USP5: variants seen among roughly 807,000 people sequenced by gnomAD.
The protein encoded by USP5 is ubiquitin specific peptidase 5, also known as ubiquitin carboxyl-terminal hydrolase 5.
In USP5, 24 loss-of-function variants were observed where a neutral mutation model predicts 102.5. The ratio of observed to expected loss-of-function variants is 0.23; its 90% confidence interval spans 0.17 to 0.33. USP5 has a LOEUF of 0.33. Among genes scored for constraint, USP5 ranks in the 10% least tolerant of loss-of-function variants. The pLI is 1.00. For missense variants in USP5, 753 were observed against 1,122.1 expected (o/e 0.67, Z 4.70); for synonymous variants, 460 against 434.8 (o/e 1.06, Z -0.72).
chr12:6,856,509 T>C lies in USP5; in HGVS notation c.584+59T>C. On this transcript the variant is annotated intron_variant, in intron 5 of 19. Transcript: ENST00000229268. This position sits in a 1 kb window ranked among gnomAD's most constrained non-coding sequence, Gnocchi z 5.6. The stretch of plus-strand genomic sequence containing the variant: ...CCCAGAGCAAGGACAAGGAGCCCAC[T>C]TTTCTGGGGGATCTGGTGGGAGAGA... 6.4e-7 allele frequency: 1 copy of C among 1,563,584 alleles called. No individual in the cohort carries two copies. The highest frequency in any genetic ancestry group is 8.7e-7 in the Non-Finnish European group (1 of 1,155,652).
chr12:6,852,497 G>T (rs1943946489), intron 1 of USP5, among the ~76,000 whole-genome samples: 1 of 152,234 alleles, frequency 6.6e-6, no homozygotes, highest in Non-Finnish European at 1.5e-5. Context: ...TCACCTCTCC[G>T]GCTCCCCGCT....
Position 6,857,733 on chromosome 12 carries a change from C to A in USP5, c.864+10C>A. ...GCTGAAGATGCAGAAGGTGAGACCCCCTTCAACTTCAGATTCTTCTACTTC... is the reference window on the plus strand; with the variant it reads ...GCTGAAGATGCAGAAGGTGAGACCCACTTCAACTTCAGATTCTTCTACTTC... On this transcript the variant is annotated intron_variant, in intron 7 of 19. Coordinates refer to ENST00000229268, the MANE Select transcript of USP5 (RefSeq NM_001098536.2). 4 of 1,613,898 alleles carry A rather than the reference C, an allele frequency of 2.5e-6. No individual in the cohort carries two copies. The highest frequency in any genetic ancestry group is 3.4e-6 in the Non-Finnish European group (4 of 1,179,898).
rs1944259125 is a variant in USP5, at chr12:6,860,904, T to C, written c.1345-49T>C. On this transcript the variant is annotated intron_variant, in intron 11 of 19. Coordinates refer to ENST00000229268, the MANE Select transcript of USP5 (RefSeq NM_001098536.2). The surrounding 1 kb of genome is among the most constrained non-coding windows in gnomAD (Gnocchi z 5.5). ...TCTCCCATGAACCTTTCAGGCCCCATTCTGTTCCCTGGCTGCCCAGACCTC... is the reference window on the plus strand; with the variant it reads ...TCTCCCATGAACCTTTCAGGCCCCACTCTGTTCCCTGGCTGCCCAGACCTC... The C allele has an allele frequency of 1.1e-5, 17 of 1,609,398 alleles. No individual in the cohort carries two copies. Among genetic ancestry groups the C allele is most frequent in the South Asian group, 7.7e-5 (7 of 90,664 alleles).
intron 1 of USP5, among the ~76,000 whole-genome samples, chr12:6,854,635 G>GTGAC (rs1263456051): frequency 6.6e-6 from 1 of 151,786 alleles, no homozygotes; most frequent in East Asian, 1.9e-4. Context: ...GCATGTGCCT[G>GTGAC]TAGTCCCAGC....
At chr12:6,865,072 G>C in intron 18 of USP5, 92 bp from the exon 19 acceptor site, 1 of 1,351,842 alleles carries the variant, frequency 7.4e-7, no homozygotes, top group Non-Finnish European at 1.0e-6. Flanking sequence ...TGAAACTCCT[G>C]TCCTGAGTCT....
At chr12:6,859,152 T>C (rs1555128957) in intron 8 of USP5, among the ~76,000 whole-genome samples, 3 of 152,188 alleles carry the variant, frequency 2.0e-5, no homozygotes, top group Admixed American at 1.3e-4. Context: ...ACTTTCGAAT[T>C]TGGGGAACAA....
At position 6,858,469 on chromosome 12, in the gene USP5, A is replaced by C; in HGVS notation, c.910A>C (p.Ile304Leu). 3.7e-6 allele frequency: 6 copies of C among 1,612,016 alleles called. No individual in the cohort carries two copies. Among genetic ancestry groups the C allele is most frequent in the Non-Finnish European group, 5.1e-6 (6 of 1,178,180 alleles). The change falls in exon 8 of 20, where the codon ATT becomes CTT. Residue 304 changes from isoleucine (I) to leucine (L), a missense_variant. Ile to Leu is a conservative substitution (Grantham distance 5, BLOSUM62 2). Around this residue, in one of 3 missense-constraint regions of USP5, gnomAD observed 527 missense variants for 816.5 expected, o/e 0.65. Coordinates refer to ENST00000229268, the MANE Select transcript of USP5 (RefSeq NM_001098536.2). This position sits in a 1 kb window ranked among gnomAD's most constrained non-coding sequence, Gnocchi z 4.2. ...GTTGGAGATAGACATGAACCAGCGG[A>C]TTGGTGAATGGGAGCTGATCCAGGA... ...TELEIDMNQR[I>L]GEWELIQESG...
At position 6,860,596 on chromosome 12, in the gene USP5, C is replaced by T. The variant is rs1265741167; in HGVS notation, c.1344+105C>T. 1 of 1,548,084 alleles carries T rather than the reference C, an allele frequency of 6.5e-7. No individual in the cohort carries two copies. The highest frequency in any genetic ancestry group is 8.7e-7 in the Non-Finnish European group (1 of 1,144,488). On this transcript the variant is annotated intron_variant, in intron 11 of 19. Coordinates refer to ENST00000229268, the MANE Select transcript of USP5 (RefSeq NM_001098536.2). The surrounding 1 kb of genome is among the most constrained non-coding windows in gnomAD (Gnocchi z 5.5). ...GCCCCAACCCAGTCCCATCCCTGAA[C>T]CCCAACAGTCTGTGTCCCTGTGAAC...
intron 13 of USP5, among the ~76,000 whole-genome samples, chr12:6,862,103 G>A (rs1280120542): frequency 6.7e-6 from 1 of 149,428 alleles, no homozygotes; most frequent in Non-Finnish European, 1.5e-5. Context: ...TTTTCTATGT[G>A]TGGGTCTTGC....
rs200493713 is a variant in USP5, at chr12:6,865,222, C to T, written c.2457C>T (p.Tyr819=). ...GCACCTCTACCATGTGTGGTCACTA[C>T]GTCTGCCACATCAAGAAAGAAGGCA... ...HMGTSTMCGH[Y]VCHIKKEGRW... is the part of the protein sequence containing the mutation. Residue 819 remains tyrosine, a synonymous_variant, in exon 19 of 20, where the codon TAC becomes TAT. Coordinates refer to ENST00000229268, the MANE Select transcript of USP5 (RefSeq NM_001098536.2). 20 of 1,613,862 alleles carry T rather than the reference C, an allele frequency of 1.2e-5. No homozygotes were observed. Among genetic ancestry groups the T allele is most frequent in the South Asian group, 4.4e-5 (4 of 91,076 alleles).
chr12:6,862,567 G>C lies in USP5; in HGVS notation c.1762+9G>C. On this transcript the variant is annotated intron_variant, in intron 14 of 19. Transcript: ENST00000229268. ...GGTGCCCAAGAAACTGGGTATGGCT[G>C]CTGGAATGAGGGAGGTTACACAGAA... 6.2e-7 allele frequency: 1 copy of C among 1,612,722 alleles called. No individual in the cohort carries two copies. The highest frequency in any genetic ancestry group is 8.5e-7 in the Non-Finnish European group (1 of 1,178,698).
chr12:6,856,664 T>C lies in USP5; in HGVS notation c.585-43T>C. On this transcript the variant is annotated intron_variant, in intron 5 of 19. Coordinates refer to ENST00000229268, the MANE Select transcript of USP5 (RefSeq NM_001098536.2). The surrounding 1 kb of genome is among the most constrained non-coding windows in gnomAD (Gnocchi z 5.6). ...CCTCTCTCTCTGCCACTCCCTCAAA[T>C]CCCCGACCCACATTTCTGCTGATTC... 1 of 1,607,014 alleles carries C rather than the reference T, an allele frequency of 6.2e-7. No individual in the cohort carries two copies. Among genetic ancestry groups the C allele is most frequent in the Non-Finnish European group, 8.5e-7 (1 of 1,177,008 alleles).
At chr12:6,859,665 GT>G (rs1224789732) in intron 9 of USP5, 124 bp downstream of exon 9, 4 of 996,950 alleles carry the variant, frequency 4.0e-6, no homozygotes, top group Admixed American at 2.0e-5. Context: ...GTTTTGTTTT[GT>G]TTTTTGAGAC....
rs1305161499 is a variant in USP5 at position 6,866,188 on chromosome 12, T to TC, written c.*115dup. The TC allele has an allele frequency of 8.9e-6, 9 of 1,014,462 alleles. No individual in the cohort carries two copies. The highest frequency in any genetic ancestry group is 1.2e-5 in the Non-Finnish European group (8 of 681,206). The allele number at this position is 1,014,462 out of a possible 1,614,324, so 62.8% of individuals were successfully genotyped here. ...CTGCTCTGTACCCTTTTTCCTTTTGTCCCCGGCAGCAGGGAAGAAGCTGGA... is the reference window on the plus strand; with the variant it reads ...CTGCTCTGTACCCTTTTTCCTTTTGTCCCCCGGCAGCAGGGAAGAAGCTGGA... On this transcript the variant is annotated 3_prime_UTR_variant, in exon 20 of 20. Coordinates refer to ENST00000229268, the MANE Select transcript of USP5 (RefSeq NM_001098536.2). This position sits in a 1 kb window ranked among gnomAD's most constrained non-coding sequence, Gnocchi z 4.7.
At chr12:6,857,265 C>T in intron 6 of USP5, 1 of 326,706 alleles carries the variant, frequency 3.1e-6, no homozygotes, top group Non-Finnish European at 5.7e-6. Flanking sequence ...CACTGGACTC[C>T]AGCCTGGGCT....
chr12:6,862,993 G>T (rs1443678235), intron 14 of USP5, among the ~76,000 whole-genome samples, 193 bp from the exon 15 acceptor site: 1 of 152,088 alleles, frequency 6.6e-6, no homozygotes, highest in African/African-American at 2.4e-5. Context: ...GTAGATCTAG[G>T]ACCAGCATCC....
chr12:6,861,170 G>A lies in USP5; in HGVS notation c.1498+64G>A. 1.3e-6 allele frequency: 2 copies of A among 1,593,812 alleles called. No individual in the cohort carries two copies. Among genetic ancestry groups the A allele is most frequent in the East Asian group, 4.5e-5 (2 of 44,610 alleles). On this transcript the variant is annotated intron_variant, in intron 12 of 19. Coordinates refer to ENST00000229268, the MANE Select transcript of USP5 (RefSeq NM_001098536.2). This position sits in a 1 kb window ranked among gnomAD's most constrained non-coding sequence, Gnocchi z 4.9. ...GGCTAAGGTCTAGGAGGAATGCTTG[G>A]GCACCTCATGGGAGCACAGCCCAGG...
intron 9 of USP5, 150 bp downstream of exon 9, chr12:6,859,691 T>A: frequency 1.3e-6 from 1 of 793,182 alleles, no homozygotes; most frequent in Non-Finnish European, 2.1e-6. Flanking sequence ...TCTTGTTCTG[T>A]TGCCAGGCTG....
chr12:6,852,317 G>A (rs1943934536), intron 1 of USP5, 27 bp downstream of exon 1: 32 of 1,585,544 alleles, frequency 2.0e-5, no homozygotes, highest in Non-Finnish European at 2.7e-5. Flanking sequence ...CGCCCGCAAC[G>A]AGCACGACTT....
Sources: allele counts gnomAD v4.1 joint callset (sites outside exome capture counted in the v4.1 genomes callset), GRCh38; gene constraint gnomAD v4.1.1; regional missense constraint gnomAD v4.1.1; non-coding constraint Gnocchi (gnomAD v3.1); transcripts MANE v1.5; gene names NCBI Gene and HGNC (gene_info 2026-07-23, HGNC 2026-07-21).